Variants in QTMAN observed in about 807,000 individuals in gnomAD.
QTMAN encodes the protein queuosine-tRNA mannosyltransferase, also known as tRNA-queuosine alpha-mannosyltransferase.
chr2:143,958,836 T>C, the QTMAN span, among the ~76,000 whole-genome samples: 1 of 151,138 alleles, frequency 6.6e-6, no homozygotes, highest in Non-Finnish European at 1.5e-5. Context: ...TGACTGTATC[T>C]TGAATCTATT....
the QTMAN span, among the ~76,000 whole-genome samples, chr2:144,153,959 G>T: frequency 1.3e-5 from 2 of 152,166 alleles, no homozygotes; most frequent in Non-Finnish European, 2.9e-5. Context: ...GACAACAGCA[G>T]TTACTAAGAG....
the QTMAN span, among the ~76,000 whole-genome samples, chr2:144,275,796 A>G: frequency 6.6e-6 from 1 of 152,186 alleles, no homozygotes; most frequent in Non-Finnish European, 1.5e-5. Context: ...TTTTATCAAG[A>G]CACAAGACCA....
chr2:144,332,168 A>G, the QTMAN span, among the ~76,000 whole-genome samples: 6 of 44,944 alleles, frequency 1.3e-4, no homozygotes, highest in African/African-American at 3.0e-4. Context: ...CAGAAGGCAC[A>G]AAATGCCACG....
the QTMAN span, among the ~76,000 whole-genome samples, chr2:144,245,631 G>T: frequency 6.6e-6 from 1 of 152,160 alleles, no homozygotes; most frequent in East Asian, 1.9e-4. Flanking sequence ...AATTAAGATG[G>T]TATTTCATTC....
At chr2:144,332,119 T>C in the QTMAN span, among the ~76,000 whole-genome samples, 927 of 152,266 alleles carry the variant, frequency 6.1e-3, 14 homozygotes, top group African/African-American at 0.021. Context: ...GCACGACATG[T>C]AGGCACCAAA....
chr2:144,004,832 C>A, the QTMAN span, among the ~76,000 whole-genome samples: 1 of 152,018 alleles, frequency 6.6e-6, no homozygotes, highest in African/African-American at 2.4e-5. Flanking sequence ...GTTGTCAGCA[C>A]AGGTTACACA....
At chr2:144,150,240 G>A in the QTMAN span, among the ~76,000 whole-genome samples, 1 of 151,980 alleles carries the variant, frequency 6.6e-6, no homozygotes, top group Non-Finnish European at 1.5e-5. Flanking sequence ...GTGTCACTTT[G>A]CTCAATACCT....
chr2:143,973,274 A>C, the QTMAN span, among the ~76,000 whole-genome samples: 1 of 152,140 alleles, frequency 6.6e-6, no homozygotes, highest in East Asian at 1.9e-4. Context: ...TGAACTCAAG[A>C]ATGCATGGAA....
At chr2:144,293,925 A>T in the QTMAN span, among the ~76,000 whole-genome samples, 3 of 152,182 alleles carry the variant, frequency 2.0e-5, no homozygotes, top group Non-Finnish European at 2.9e-5. Flanking sequence ...TCATCTCTTA[A>T]TGGACTACAC....
At chr2:144,105,222 C>T in the QTMAN span, among the ~76,000 whole-genome samples, 1 of 152,186 alleles carries the variant, frequency 6.6e-6, no homozygotes, top group East Asian at 1.9e-4. Flanking sequence ...AGGAACGCAG[C>T]TCCTCGCCAG....
chr2:144,109,933 A>G, the QTMAN span, among the ~76,000 whole-genome samples: 1 of 152,198 alleles, frequency 6.6e-6, no homozygotes, highest in East Asian at 1.9e-4. Flanking sequence ...ACACTTTTAC[A>G]CTGTTGGTGG....
At chr2:144,263,559 T>C in the QTMAN span, among the ~76,000 whole-genome samples, 1 of 152,054 alleles carries the variant, frequency 6.6e-6, no homozygotes, top group Non-Finnish European at 1.5e-5. Flanking sequence ...CTGTCTCTAC[T>C]AAAAATACAA....
At chr2:144,069,989 G>T in the QTMAN span, among the ~76,000 whole-genome samples, 279 of 152,052 alleles carry the variant, frequency 1.8e-3, no homozygotes, top group African/African-American at 6.5e-3. Context: ...TTATTGCTCT[G>T]TGAAGGCAGA....
the QTMAN span, among the ~76,000 whole-genome samples, chr2:143,972,357 C>T: frequency 5.3e-5 from 8 of 152,068 alleles, no homozygotes; most frequent in African/African-American, 1.9e-4. Flanking sequence ...GAAATCTAGC[C>T]ATTCAGTTCT....
At chr2:144,066,402 TTAAAG>T in the QTMAN span, among the ~76,000 whole-genome samples, 1 of 152,234 alleles carries the variant, frequency 6.6e-6, no homozygotes, top group African/African-American at 2.4e-5. Flanking sequence ...CCACAAACCT[TTAAAG>T]TAATGTCAGC....
the QTMAN span, among the ~76,000 whole-genome samples, chr2:144,045,490 G>A: frequency 6.6e-6 from 1 of 152,084 alleles, no homozygotes; most frequent in African/African-American, 2.4e-5. Flanking sequence ...ACAATATCCC[G>A]GTGCATCAAC....
At chr2:144,064,593 T>A in the QTMAN span, among the ~76,000 whole-genome samples, 1 of 152,156 alleles carries the variant, frequency 6.6e-6, no homozygotes, top group Non-Finnish European at 1.5e-5. Flanking sequence ...TCTGGGAAGA[T>A]GAACATATTC....
chr2:144,242,960 T>TA, the QTMAN span, among the ~76,000 whole-genome samples: 2,534 of 77,692 alleles, frequency 0.033, 77 homozygotes, highest in Middle Eastern at 0.059. Flanking sequence ...AGACTCTACT[T>TA]AAAAAAAAAA....
chr2:144,105,661 C>A, the QTMAN span, among the ~76,000 whole-genome samples: 1 of 152,170 alleles, frequency 6.6e-6, no homozygotes, highest in Middle Eastern at 3.2e-3. Flanking sequence ...GAGAATGGAA[C>A]CAAGTTGGAA....
Sources: gnomAD v4.1 joint callset for allele counts (sites outside exome capture counted in the v4.1 genomes callset) on GRCh38, gnomAD v4.1.1 for gene constraint, MANE v1.5 for transcripts, NCBI Gene and HGNC (gene_info 2026-07-23, HGNC 2026-07-21) for gene names.